DMD: variants seen among roughly 807,000 people sequenced by gnomAD.
The protein encoded by DMD is mutant dystrophin.
Under a neutral mutation model 330.1 loss-of-function variants are expected in DMD, and 63 were observed. The observed-to-expected ratio is 0.19, with a 90% CI of 0.16 to 0.24. DMD has a LOEUF of 0.24. Among genes scored for constraint, DMD ranks in the 10% least tolerant of loss-of-function variants. The pLI, the probability that DMD is intolerant of heterozygous loss-of-function variation, is 1.00. For missense variants in DMD, 3,344 were observed against 2,684.1 expected (o/e 1.25, Z -5.43); for synonymous variants, 1,223 against 959.8 (o/e 1.27, Z -5.07).
intron 16 of DMD, among the ~76,000 whole-genome samples, chrX:32,555,204 A>G (rs2050163717): frequency 8.9e-6 from 1 of 111,739 alleles, no homozygotes; most frequent in Non-Finnish European, 1.9e-5. Context: ...CAAAAACCAC[A>G]TGACTATCTC....
chrX:31,643,213 C>A (rs1016177900), intron 54 of DMD, among the ~76,000 whole-genome samples: 4 of 111,514 alleles, frequency 3.6e-5, no homozygotes, highest in African/African-American at 1.3e-4. Context: ...TATATGCTTT[C>A]TTTTTCACCT....
intron 1 of DMD, among the ~76,000 whole-genome samples, chrX:33,245,996 T>C (rs1403637940): frequency 8.9e-6 from 1 of 112,099 alleles, no homozygotes; most frequent in East Asian, 2.8e-4. Flanking sequence ...ACATGTTACA[T>C]TAATACTCTA....
intron 2 of DMD, among the ~76,000 whole-genome samples, chrX:33,000,786 T>A (rs2147413001): frequency 8.9e-6 from 1 of 112,009 alleles, no homozygotes; most frequent in East Asian, 2.8e-4. Flanking sequence ...ATTATTAAAA[T>A]TACTTCACCT....
intron 44 of DMD, among the ~76,000 whole-genome samples, chrX:32,074,850 ACAG>A (rs1283512424): frequency 8.5e-5 from 9 of 105,275 alleles, no homozygotes; most frequent in African/African-American, 2.8e-4. Flanking sequence ...AAGGGGAAAA[ACAG>A]CAGCAGCAGC....
rs773210289 is a variant in DMD, at chrX:31,150,382, C to T, written c.10554-2864G>A. On this transcript the variant is annotated intron_variant, in intron 74 of 78. Coordinates refer to ENST00000357033, the MANE Select transcript of DMD (RefSeq NM_004006.3). Reference sequence around the variant, plus strand: ...TGGTTAATTTCCAAATAAATATAAACAGTATTAGCACATGTGAAGGTCCCA... The same window carrying T: ...TGGTTAATTTCCAAATAAATATAAATAGTATTAGCACATGTGAAGGTCCCA... Among the ~76,000 whole-genome samples, 11 of 111,849 alleles carry T rather than the reference C, an allele frequency of 9.8e-5. No individual in the cohort carries two copies. The East Asian group carries it at 3.1e-3, about 31-fold the overall frequency.
chrX:32,560,179 C>T (rs778861862), intron 16 of DMD, among the ~76,000 whole-genome samples: 1 of 90,747 alleles, frequency 1.1e-5, no homozygotes, highest in South Asian at 5.5e-4. Flanking sequence ...AACCTTTAGA[C>T]TCGCTTGAAA....
At chrX:31,796,687 C>T (rs928062534) in intron 50 of DMD, among the ~76,000 whole-genome samples, 1 of 111,585 alleles carries the variant, frequency 9.0e-6, no homozygotes, top group African/African-American at 3.3e-5. Context: ...CAGATGTTGT[C>T]CCCTCCAAAT....
At chrX:32,754,312 A>G (rs189468735) in intron 7 of DMD, among the ~76,000 whole-genome samples, 4 of 111,090 alleles carry the variant, frequency 3.6e-5, no homozygotes, top group African/African-American at 1.3e-4. Context: ...AGGGCCACAC[A>G]GCTTTTAAGT....
chrX:32,345,235 C>T (rs919131764), intron 39 of DMD, among the ~76,000 whole-genome samples: 1 of 111,049 alleles, frequency 9.0e-6, no homozygotes, highest in African/African-American at 3.3e-5. Context: ...AAAAGTTTCA[C>T]AAAACTTTCC....
At chrX:31,143,223 G>A (rs887064039) in intron 76 of DMD, among the ~76,000 whole-genome samples, 16 of 111,305 alleles carry the variant, frequency 1.4e-4, no homozygotes, top group Admixed American at 1.4e-3. Flanking sequence ...CATGTGCTGC[G>A]GGAGGGGTCC....
At chrX:31,957,374 T>G (rs1283914372) in intron 45 of DMD, among the ~76,000 whole-genome samples, 1 of 112,047 alleles carries the variant, frequency 8.9e-6, no homozygotes, top group Non-Finnish European at 1.9e-5. Flanking sequence ...ATATTTATAT[T>G]GTAATCTAGG....
At position 32,565,594 on chromosome X, in the gene DMD, C is replaced by CA; in HGVS notation, c.1992+107dup. The stretch of plus-strand genomic sequence containing the variant: ...TGTTTTTATTTAACTAAACACAGGG[C>CA]AAAAACTAATCTGGTTGCTTCTTTT... On this transcript the variant is annotated intron_variant, in intron 16 of 78. Transcript: ENST00000357033. The CA allele has an allele frequency of 3.6e-6, 3 of 824,175 alleles. No homozygotes were observed. The South Asian group carries it at 7.0e-5, about 19-fold the overall frequency. The allele number at this position is 824,175 out of a possible 1,213,427, so 67.9% of individuals were successfully genotyped here. A position where few individuals can be genotyped will look rare whatever the true frequency, so the allele number is the denominator to read the frequency against.
intron 41 of DMD, among the ~76,000 whole-genome samples, chrX:32,328,863 C>A (rs984225981): frequency 9.0e-6 from 1 of 111,429 alleles, no homozygotes; most frequent in Non-Finnish European, 1.9e-5. Context: ...AAAAACTTTG[C>A]TTTATGAAAA....
intron 1 of DMD, chrX:33,128,435 A>G (rs990450324): frequency 5.0e-5 from 48 of 965,132 alleles, no homozygotes; most frequent in Non-Finnish European, 6.0e-5. Flanking sequence ...GCATTTTGCA[A>G]ACACTCCCCT....
intron 63 of DMD, among the ~76,000 whole-genome samples, chrX:31,233,966 T>C (rs1215084082): frequency 8.9e-6 from 1 of 111,772 alleles, no homozygotes; most frequent in Admixed American, 9.5e-5. Flanking sequence ...GATACGCCAT[T>C]AGTTAAAAAT....
chrX:32,087,774 C>T (rs1476650515), intron 44 of DMD, among the ~76,000 whole-genome samples: 1 of 112,272 alleles, frequency 8.9e-6, no homozygotes, highest in Admixed American at 9.5e-5. Context: ...CTTAGGAATT[C>T]ACGAGCATAA....
At chrX:31,483,262 G>A (rs764452491) in intron 57 of DMD, among the ~76,000 whole-genome samples, 45 of 109,088 alleles carry the variant, frequency 4.1e-4, no homozygotes, top group East Asian at 8.6e-4. Flanking sequence ...TAGCCAGGAT[G>A]GTCTCCATCT....
chrX:32,842,166 A>G (rs1195356513), intron 4 of DMD, among the ~76,000 whole-genome samples: 1 of 111,992 alleles, frequency 8.9e-6, no homozygotes, highest in Non-Finnish European at 1.9e-5. Flanking sequence ...GAAGTCCTGA[A>G]GATGCTGTTT....
At chrX:32,737,660 T>A (rs1239412695) in intron 7 of DMD, among the ~76,000 whole-genome samples, 3 of 111,947 alleles carry the variant, frequency 2.7e-5, no homozygotes, top group Admixed American at 9.6e-5. Flanking sequence ...CATTTTTCTT[T>A]TTGCTGCTTC....
Sources: allele counts gnomAD v4.1 joint callset (sites outside exome capture counted in the v4.1 genomes callset), GRCh38; gene constraint gnomAD v4.1.1; transcripts MANE v1.5; gene names NCBI Gene and HGNC (gene_info 2026-07-23, HGNC 2026-07-21).